PRSS53: variants seen among roughly 807,000 people sequenced by gnomAD.
PRSS53 encodes serine protease 53, also known as EDTP308.
PRSS53 carries 54 observed loss-of-function variants against 62.7 expected under a neutral mutation model. That is an observed-to-expected ratio of 0.86 (90% CI 0.69 to 1.08). The LOEUF (loss-of-function observed/expected upper bound fraction) is 1.08, where lower values mean the gene tolerates loss of function less well. Among genes scored for constraint, PRSS53 ranks in the 50% least tolerant of loss-of-function variants. The probability of loss-of-function intolerance (pLI) is 0.00; values close to 1 mark genes in which losing one functional copy is unlikely to be tolerated. For missense variants in PRSS53, 688 were observed against 728.3 expected (o/e 0.94, Z 0.64); for synonymous variants, 273 against 300.0 (o/e 0.91, Z 0.93).
At chr16:31,084,216 A>G in exon 10 of PRSS53, 1 of 1,611,702 alleles carries the variant, frequency 6.2e-7, no homozygotes, top group Non-Finnish European at 8.5e-7. Flanking sequence ...CCTCATAGGC[A>G]GGGAGCGCGG....
Position 31,084,344 on chromosome 16 carries a change from G to T in PRSS53, c.1426-9C>A. On this transcript the variant is annotated splice_polypyrimidine_tract_variant and intron_variant, in intron 9 of 10. Coordinates refer to ENST00000280606, the Ensembl canonical transcript of PRSS53. ...GGTGCCCCAGACAGGCCCTGTCAGG[G>T]GTCAGGTGACACTGGGTGACTTTTT... The T allele has an allele frequency of 2.5e-6, 4 of 1,608,370 alleles. No homozygotes were observed. Among genetic ancestry groups the T allele is most frequent in the Non-Finnish European group, 3.4e-6 (4 of 1,178,196 alleles).
At chr16:31,086,887 G>A in exon 4 of PRSS53, 1 of 1,595,370 alleles carries the variant, frequency 6.3e-7, no homozygotes, top group South Asian at 1.1e-5. Flanking sequence ...ATTCAGTTCT[G>A]TTGCTGCTGC....
chr16:31,088,862 G>A, exon 1 of PRSS53: 2 of 1,608,206 alleles, frequency 1.2e-6, no homozygotes, highest in South Asian at 2.2e-5. Flanking sequence ...AGGCCACCTG[G>A]GTCTCCCTGG....
chr16:31,085,886 C>T (rs1361331729), intron 6 of PRSS53, 78 bp downstream of exon 6: 10 of 1,332,158 alleles, frequency 7.5e-6, no homozygotes, highest in Non-Finnish European at 1.1e-5. Context: ...GGTGTGGATG[C>T]CTATGCCAGT....
exon 3 of PRSS53, chr16:31,087,599 G>A (rs1226611587): frequency 3.1e-6 from 5 of 1,611,540 alleles, no homozygotes; most frequent in Non-Finnish European, 4.2e-6. Context: ...CGCTGCAGAT[G>A]TGGGCTCCTT....
intron 3 of PRSS53, chr16:31,087,153 A>G: frequency 1.9e-6 from 1 of 534,588 alleles, no homozygotes; most frequent in African/African-American, 1.9e-5. Flanking sequence ...GTGCACCACC[A>G]TGCCTGGCTA....
In PRSS53 at chr16:31,084,350, G is replaced by A. The variant is rs1397185347; in HGVS notation, c.1426-15C>T. 1 of 1,601,840 alleles carries A rather than the reference G, an allele frequency of 6.2e-7. No individual in the cohort carries two copies. Among genetic ancestry groups the A allele is most frequent in the South Asian group, 1.1e-5 (1 of 89,334 alleles). ...CCAGACAGGCCCTGTCAGGGGTCAG[G>A]TGACACTGGGTGACTTTTTATAGGC... On this transcript the variant is annotated splice_polypyrimidine_tract_variant and intron_variant, in intron 9 of 10. Transcript: ENST00000280606.
chr16:31,084,855 A>T, exon 8 of PRSS53: 19 of 1,549,906 alleles, frequency 1.2e-5, no homozygotes, highest in Non-Finnish European at 1.7e-5. Context: ...TAGGGCAGGC[A>T]GAGGGGCCGC....
chr16:31,084,774 A>G lies in PRSS53; in HGVS notation c.1279+6T>C. On this transcript the variant is annotated splice_donor_region_variant and intron_variant, in intron 8 of 10. Transcript: ENST00000280606. ...GGACAGCAGCCCTGGCCCTGTGCCC[A>G]CCTACCTGCTCCTGGGCGGGCCCGT... is the stretch of plus-strand genomic sequence containing the variant. 2.6e-6 allele frequency: 4 copies of G among 1,564,050 alleles called. No individual in the cohort carries two copies. The highest frequency in any genetic ancestry group is 3.5e-6 in the Non-Finnish European group (4 of 1,151,830).
At chr16:31,085,861 C>A in intron 6 of PRSS53, 103 bp downstream of exon 6, 1 of 1,078,276 alleles carries the variant, frequency 9.3e-7, no homozygotes, top group South Asian at 1.4e-5. Context: ...AAAGAGCCCC[C>A]TAATTAGGCT....
chr16:31,088,478 G>T, intron 1 of PRSS53: 2 of 1,326,684 alleles, frequency 1.5e-6, no homozygotes, highest in East Asian at 5.9e-5. Context: ...AAGTCGAGGG[G>T]GAGGCAGGCA....
chr16:31,087,403 C>T, intron 3 of PRSS53, 134 bp downstream of exon 3: 1 of 664,846 alleles, frequency 1.5e-6, no homozygotes, highest in Non-Finnish European at 2.6e-6. Context: ...ACAATATGTA[C>T]CCAGTACATG....
rs1417757534 is a variant in PRSS53 at position 31,087,853 on chromosome 16, T to G, written c.59-27A>C. ...TGGGAAGAGAGAGACACAGGTAAGA[T>G]GCAGGGACTCCAGGCCTGCCTAGCT... is the stretch of plus-strand genomic sequence containing the variant. On this transcript the variant is annotated intron_variant, in intron 1 of 10. Coordinates refer to ENST00000280606, the Ensembl canonical transcript of PRSS53. The G allele has an allele frequency of 1.9e-6, 3 of 1,613,382 alleles. No individual in the cohort carries two copies. In the African/African-American group the frequency reaches 4.0e-5, roughly 22 times the overall value.
chr16:31,085,279 T>TC lies in PRSS53; in HGVS notation c.884-20dup, dbSNP rs1247729782. 1.3e-6 allele frequency: 2 copies of TC among 1,521,166 alleles called. No homozygotes were observed. Among genetic ancestry groups the TC allele is most frequent in the Non-Finnish European group, 1.8e-6 (2 of 1,137,150 alleles). 94.2% of individuals were successfully genotyped at this position (1,521,166 alleles called of 1,614,324 possible). A position where few individuals can be genotyped will look rare whatever the true frequency, so the allele number is the denominator to read the frequency against. On this transcript the variant is annotated intron_variant, in intron 6 of 10. Transcript: ENST00000280606. ...CCACAGGCTGAAACAGATAAGTGCCTCATCTGACTTCTTGCTAAGCACTTC... is the reference window on the plus strand; with the variant it reads ...CCACAGGCTGAAACAGATAAGTGCCTCCATCTGACTTCTTGCTAAGCACTTC...
exon 10 of PRSS53, chr16:31,084,160 G>C: frequency 1.3e-6 from 2 of 1,599,366 alleles, no homozygotes; most frequent in Non-Finnish European, 1.7e-6. Flanking sequence ...CTCGGGCTCT[G>C]GTTCCTCGGC....
At chr16:31,084,496 G>A in intron 9 of PRSS53, 62 bp downstream of exon 9, 1 of 1,552,082 alleles carries the variant, frequency 6.4e-7, no homozygotes, top group African/African-American at 1.4e-5. Flanking sequence ...GTCCGTTCTT[G>A]AGCTATTGGG....
At chr16:31,083,645 C>T (rs2057194470) in exon 11 of PRSS53, 1 of 1,533,118 alleles carries the variant, frequency 6.5e-7, no homozygotes, top group Non-Finnish European at 8.8e-7. Flanking sequence ...CACCTGTGGC[C>T]CCAGGCAGGT....
At chr16:31,085,853 A>C in intron 6 of PRSS53, 111 bp downstream of exon 6, 1 of 967,012 alleles carries the variant, frequency 1.0e-6, no homozygotes, top group Non-Finnish European at 1.6e-6. Flanking sequence ...AGGGGGTGAA[A>C]GAGCCCCCTA....
rs1421335232 is a variant in PRSS53 at position 31,087,692 on chromosome 16, TC to T, written c.86del (p.Gly29AspfsTer26). On this transcript the variant is annotated frameshift_variant, in exon 3 of 11. Transcript: ENST00000280606. LOFTEE classifies it high-confidence loss of function. ...GCTTGGGGGGGCCGGGGCCACGCTG[TC>T]CACAGGCTGTGGAAAGGAGTTAGTC... is the stretch of plus-strand genomic sequence containing the variant. 1 of 1,613,142 alleles carries T rather than the reference TC, an allele frequency of 6.2e-7. No homozygotes were observed. Among genetic ancestry groups the T allele is most frequent in the Non-Finnish European group, 8.5e-7 (1 of 1,179,750 alleles).
Sources: gnomAD v4.1 joint callset for allele counts on GRCh38, gnomAD v4.1.1 for gene constraint, MANE v1.5 for transcripts, NCBI Gene and HGNC (gene_info 2026-07-23, HGNC 2026-07-21) for gene names.